Variants in PHC3 observed in about 807,000 individuals in gnomAD.
PHC3 encodes polyhomeotic-like protein 3.
In PHC3, 13 loss-of-function variants were observed where a neutral mutation model predicts 107.4. The ratio of observed to expected loss-of-function variants is 0.12; its 90% CI spans 0.08 to 0.19. The LOEUF (loss-of-function observed/expected upper bound fraction) is 0.19, where lower values mean the gene tolerates loss of function less well. PHC3 is among the 10% of genes least tolerant of loss of function. The pLI is 1.00. For synonymous variants in PHC3, 456 were observed against 427.4 expected (o/e 1.07, Z -0.83); for missense variants, 992 against 1,210.9 (o/e 0.82, Z 2.68).
chr3:170,136,445 G>A lies in PHC3; in HGVS notation c.893C>T (p.Ser298Leu). 6.2e-7 allele frequency: 1 copy of A among 1,607,150 alleles called. No homozygotes were observed. Among genetic ancestry groups the A allele is most frequent in the Non-Finnish European group, 8.5e-7 (1 of 1,177,706 alleles). ...ESRSTAVTRT[S>L]SIHQLIAPAS... ...TGGTGCTATTAACTGGTGAATACTT[G>A]ATGTCCGGGTGACAGCTGTGCTTCG... is the stretch of plus-strand genomic sequence containing the variant. Residue 298 changes from serine to leucine, a missense_variant, in exon 7 of 15, where the codon TCA becomes TTA. By Grantham distance (145) the Ser-to-Leu change is moderately radical. Coordinates refer to ENST00000495893, the MANE Select transcript of PHC3 (RefSeq NM_024947.4).
chr3:170,149,419 A>C (rs1224236463), intron 4 of PHC3, among the ~76,000 whole-genome samples, 175 bp from the exon 5 acceptor site: 1 of 152,086 alleles, frequency 6.6e-6, no homozygotes, highest in Non-Finnish European at 1.5e-5. Context: ...ATTTGCACAT[A>C]TGCAAACAAT....
At chr3:170,169,338 T>TACTA (rs1729229432) in intron 4 of PHC3, among the ~76,000 whole-genome samples, 1 of 152,150 alleles carries the variant, frequency 6.6e-6, no homozygotes. Context: ...CTCTGAAAAC[T>TACTA]ACTAGTCTGT....
chr3:170,102,406 T>G (rs1715653809), intron 14 of PHC3, 73 bp downstream of exon 14: 4 of 1,546,346 alleles, frequency 2.6e-6, no homozygotes, highest in Non-Finnish European at 3.5e-6. Flanking sequence ...GTGCAAAAGG[T>G]GTGGATGTAT....
intron 7 of PHC3, 96 bp from the exon 8 acceptor site, chr3:170,129,648 T>C (rs1721923213): frequency 8.2e-7 from 1 of 1,213,226 alleles, no homozygotes; most frequent in African/African-American, 1.5e-5. Flanking sequence ...CAGAAGGTCA[T>C]AATCATCAGA....
Position 170,096,152 on chromosome 3 carries a change from T to TGCA in PHC3, c.*1075_*1077dup, listed in dbSNP as rs1159870551. 1.3e-5 allele frequency: 2 copies of TGCA among 152,122 alleles called. No homozygotes were observed. The highest frequency in any genetic ancestry group is 4.8e-5 in the African/African-American group (2 of 41,418). 9.4% of individuals were successfully genotyped at this position (152,122 alleles called of 1,614,324 possible). A position where few individuals can be genotyped will look rare whatever the true frequency, so the allele number is the denominator to read the frequency against. On this transcript the variant is annotated 3_prime_UTR_variant, in exon 15 of 15. Coordinates refer to ENST00000495893, the MANE Select transcript of PHC3 (RefSeq NM_024947.4). ...AGTACTTTCTGAGAGTTAAATTATT[T>TGCA]GCATGTTTGTCCTTATTTTATAGGA...
At chr3:170,110,916 G>C (rs966187984) in intron 11 of PHC3, among the ~76,000 whole-genome samples, 3 of 151,856 alleles carry the variant, frequency 2.0e-5, no homozygotes, top group African/African-American at 7.3e-5. Context: ...TATAGGCCAA[G>C]AAAAAAAGAA....
intron 9 of PHC3, among the ~76,000 whole-genome samples, chr3:170,120,058 G>A (rs1719920034): frequency 6.6e-6 from 1 of 152,090 alleles, no homozygotes. Context: ...AGTACTATTA[G>A]TAATGCTTAT....
At chr3:170,161,419 G>A (rs1727868432) in intron 4 of PHC3, among the ~76,000 whole-genome samples, 1 of 152,208 alleles carries the variant, frequency 6.6e-6, no homozygotes, top group African/African-American at 2.4e-5. Context: ...TTTCCACAGA[G>A]AAGGTGGGGA....
chr3:170,169,320 A>G (rs1355682172), intron 4 of PHC3, among the ~76,000 whole-genome samples: 1 of 152,274 alleles, frequency 6.6e-6, no homozygotes, highest in East Asian at 1.9e-4. Context: ...AACTCAAAAT[A>G]ATCAAAACTC....
rs779520334 is a variant in PHC3 at position 170,171,400 on chromosome 3, T to C, written c.387A>G (p.Thr129=). 8 of 1,607,776 alleles carry C rather than the reference T, an allele frequency of 5.0e-6. No individual in the cohort carries two copies. The highest frequency in any genetic ancestry group is 6.8e-6 in the Non-Finnish European group (8 of 1,177,814). ...RPSTSPTGSV[T]QQSSMSQTSI... ...ACGTTTGGGACATACTTGACTGCTG[T>C]GTGACACTTCCTGTGGGAGATGTAG... is the stretch of plus-strand genomic sequence containing the variant. The change falls in exon 4 of 15, where the codon ACA becomes ACG. Residue 129 remains threonine, a synonymous_variant. Coordinates refer to ENST00000495893, the MANE Select transcript of PHC3 (RefSeq NM_024947.4).
chr3:170,149,495 C>T (rs1725549299), intron 4 of PHC3, among the ~76,000 whole-genome samples: 1 of 151,900 alleles, frequency 6.6e-6, no homozygotes, highest in Admixed American at 6.6e-5. Flanking sequence ...GCTCTTGTTG[C>T]CCAGACTGGA....
intron 4 of PHC3, among the ~76,000 whole-genome samples, chr3:170,155,502 C>G (rs946229554): frequency 2.0e-5 from 3 of 152,152 alleles, no homozygotes; most frequent in African/African-American, 7.2e-5. Context: ...AGGTGGATAG[C>G]TTGAGCTCAG....
chr3:170,136,281 A>T, intron 7 of PHC3, 138 bp downstream of exon 7: 1 of 1,016,522 alleles, frequency 9.8e-7, no homozygotes, highest in Non-Finnish European at 1.4e-6. Context: ...GCTACACATT[A>T]AGATTAAGTT....
At position 170,091,799 on chromosome 3, in the gene PHC3, G is replaced by A. The variant is rs1045543847; in HGVS notation, c.*5431C>T. On this transcript the variant is annotated 3_prime_UTR_variant, in exon 15 of 15. Transcript: ENST00000495893. ...ACTTTCAAAAAAAAGCTTTCTCATA[G>A]TACAATTTTAAAACGGATTAGGTTC... 2.0e-5 allele frequency: 3 copies of A among 151,594 alleles called. No homozygotes were observed. The highest frequency in any genetic ancestry group is 7.3e-5 in the African/African-American group (3 of 41,350). The allele number at this position is 151,594 out of a possible 1,614,324, so 9.4% of individuals were successfully genotyped here.
intron 10 of PHC3, among the ~76,000 whole-genome samples, chr3:170,113,990 GACTA>G (rs201757170): frequency 3.3e-5 from 5 of 152,072 alleles, no homozygotes; most frequent in Admixed American, 6.6e-5. Context: ...TCTTTGTGGA[GACTA>G]ACTTTTTTCC....
chr3:170,160,902 GTC>G (rs1167184988), intron 4 of PHC3, among the ~76,000 whole-genome samples: 2 of 152,060 alleles, frequency 1.3e-5, no homozygotes, highest in Non-Finnish European at 2.9e-5. Context: ...GGGAGACTCA[GTC>G]TCAAAAAAAC....
intron 4 of PHC3, among the ~76,000 whole-genome samples, chr3:170,163,461 A>AGTGTGTGTGTGTGT (rs56986650): frequency 1.1e-4 from 16 of 146,214 alleles, no homozygotes; most frequent in African/African-American, 3.6e-4. Flanking sequence ...TTTAGTAAAG[A>AGTGTGTGTGTGTGT]GTGTGTGTGT....
Position 170,165,058 on chromosome 3 carries a change from T to C in PHC3, c.414+6315A>G, listed in dbSNP as rs569342503. Among the ~76,000 whole-genome samples the C allele has an allele frequency of 3.9e-5, 6 of 152,276 alleles. No homozygotes were observed. In the East Asian group the frequency reaches 9.6e-4, roughly 24 times the overall value. Reference sequence around the variant, plus strand: ...CACCCTGCGGTCTCAGTGGAGACCATGTGGGGAGAGTAAAAGGTACTCCTA... The same window carrying C: ...CACCCTGCGGTCTCAGTGGAGACCACGTGGGGAGAGTAAAAGGTACTCCTA... On this transcript the variant is annotated intron_variant, in intron 4 of 14. Coordinates refer to ENST00000495893, the MANE Select transcript of PHC3 (RefSeq NM_024947.4).
At chr3:170,175,888 C>T (rs1258413040) in intron 2 of PHC3, among the ~76,000 whole-genome samples, 2 of 149,452 alleles carry the variant, frequency 1.3e-5, no homozygotes, top group African/African-American at 4.9e-5. Flanking sequence ...CGCGCCACTG[C>T]ACTCCAGCGT....
Sources: allele counts gnomAD v4.1 joint callset (sites outside exome capture counted in the v4.1 genomes callset), GRCh38; gene constraint gnomAD v4.1.1; transcripts MANE v1.5; gene names NCBI Gene and HGNC (gene_info 2026-07-23, HGNC 2026-07-21).